Variants in C12orf42 observed in about 807,000 individuals in gnomAD.
The protein encoded by C12orf42 is chromosome 12 open reading frame 42, also known as uncharacterized protein C12orf42.
In C12orf42, 25 loss-of-function variants were observed where a neutral mutation model predicts 21.6. The ratio of observed to expected loss-of-function variants is 1.16; its 90% CI spans 0.84 to 1.62. The LOEUF (loss-of-function observed/expected upper bound fraction) is 1.62, where lower values mean the gene tolerates loss of function less well. Among genes scored for constraint, C12orf42 ranks in the 40% most tolerant of loss-of-function variants. The probability of loss-of-function intolerance (pLI) is 0.00; values close to 1 mark genes in which losing one functional copy is unlikely to be tolerated. For synonymous variants in C12orf42, 174 were observed against 175.0 expected (o/e 0.99, Z 0.05); for missense variants, 483 against 459.3 (o/e 1.05, Z -0.47).
chr12:103,304,154 C>T lies in C12orf42; in HGVS notation c.632-1595G>A, dbSNP rs183913202. On this transcript the variant is annotated intron_variant, in intron 5 of 5. Coordinates refer to ENST00000548883, the MANE Select transcript of C12orf42 (RefSeq NM_198521.5). ...GACTTCACAGATTCAAATCTTGGTA[C>T]ATGACCTGGCCTAAGTCTCTTTGAC... Among the ~76,000 whole-genome samples the T allele has an allele frequency of 2.4e-4, 37 of 152,318 alleles. No homozygotes were observed. The East Asian group carries it at 6.6e-3, about 27-fold the overall frequency.
chr12:103,502,925 G>A, the C12orf42 span, among the ~76,000 whole-genome samples: 2 of 152,190 alleles, frequency 1.3e-5, no homozygotes, highest in Non-Finnish European at 2.9e-5. Flanking sequence ...CAATATTACA[G>A]TGATGTAGGA....
chr12:103,303,482 A>C (rs1401915442), intron 5 of C12orf42, among the ~76,000 whole-genome samples: 1 of 152,188 alleles, frequency 6.6e-6, no homozygotes, highest in Non-Finnish European at 1.5e-5. Flanking sequence ...ATGTGCTTTA[A>C]ATCACTTTCT....
intron 2 of C12orf42, among the ~76,000 whole-genome samples, chr12:103,467,821 AC>A (rs1953266726): frequency 6.6e-6 from 1 of 152,130 alleles, no homozygotes; most frequent in Non-Finnish European, 1.5e-5. Context: ...TAAAAACCAA[AC>A]TTCTTTGTAT....
At chr12:103,527,483 C>T in the C12orf42 span, among the ~76,000 whole-genome samples, 1 of 152,178 alleles carries the variant, frequency 6.6e-6, no homozygotes, top group Non-Finnish European at 1.5e-5. Context: ...AGAGCTTCTA[C>T]AGAAACCAAC....
the C12orf42 span, among the ~76,000 whole-genome samples, chr12:103,525,756 G>A: frequency 4.6e-5 from 7 of 152,278 alleles, no homozygotes; most frequent in Admixed American, 1.3e-4. Flanking sequence ...CAGGCCAGGC[G>A]CGGTGGCTCA....
chr12:103,419,154 G>C (rs1036436317), intron 2 of C12orf42, among the ~76,000 whole-genome samples: 1 of 152,134 alleles, frequency 6.6e-6, no homozygotes, highest in Admixed American at 6.5e-5. Flanking sequence ...GAGAACCACA[G>C]GGAGTTCAGT....
At position 103,401,390 on chromosome 12, in the gene C12orf42, C is replaced by T. The variant is rs114576902; in HGVS notation, c.147+217G>A. Reference sequence around the variant, plus strand: ...ACGTTTTTCTAGGTGTACATATCTGCGTGCAAAGAATAAGGAGTTGGCATG... The same window carrying T: ...ACGTTTTTCTAGGTGTACATATCTGTGTGCAAAGAATAAGGAGTTGGCATG... On this transcript the variant is annotated intron_variant, in intron 3 of 5. Coordinates refer to ENST00000548883, the MANE Select transcript of C12orf42 (RefSeq NM_198521.5). 3.7e-3 allele frequency among the ~76,000 whole-genome samples: 560 copies of T among 152,218 alleles called. 5 individuals carry two copies. Among genetic ancestry groups the T allele is most frequent in the African/African-American group, 0.013 (522 of 41,516 alleles).
chr12:103,496,357 C>G (rs907515147), upstream of C12orf42, among the ~76,000 whole-genome samples: 2 of 152,148 alleles, frequency 1.3e-5, no homozygotes, highest in Non-Finnish European at 2.9e-5. Context: ...AATAATGCAG[C>G]CAACAGCAGG....
the C12orf42 span, among the ~76,000 whole-genome samples, chr12:103,544,210 G>A: frequency 1.3e-5 from 2 of 152,050 alleles, no homozygotes; most frequent in Non-Finnish European, 2.9e-5. Flanking sequence ...GAGTCTCTTG[G>A]TAGCAAATTT....
chr12:103,346,771 C>T (rs750851265), intron 4 of C12orf42, among the ~76,000 whole-genome samples: 19 of 152,244 alleles, frequency 1.2e-4, no homozygotes, highest in Admixed American at 5.9e-4. Flanking sequence ...TGCTGTTGGC[C>T]CTGTGGATTC....
intron 4 of C12orf42, among the ~76,000 whole-genome samples, chr12:103,358,051 T>A (rs966101004): frequency 3.3e-5 from 5 of 152,104 alleles, no homozygotes; most frequent in African/African-American, 1.2e-4. Context: ...TTCACTCACA[T>A]GTCTGCTGTC....
intron 3 of C12orf42, among the ~76,000 whole-genome samples, chr12:103,375,803 T>C (rs1452809650): frequency 1.3e-5 from 2 of 152,212 alleles, no homozygotes; most frequent in Non-Finnish European, 2.9e-5. Context: ...TGACTGTCTC[T>C]ATACAATTTT....
At chr12:103,242,600 A>G (rs2033803927) in intron 10 of C12orf42, among the ~76,000 whole-genome samples, 1 of 152,178 alleles carries the variant, frequency 6.6e-6, no homozygotes, top group South Asian at 2.1e-4. Flanking sequence ...CTGAGAAGTC[A>G]TTTTATCCCA....
the C12orf42 span, among the ~76,000 whole-genome samples, chr12:103,176,865 A>G: frequency 6.6e-6 from 1 of 152,224 alleles, no homozygotes; most frequent in Non-Finnish European, 1.5e-5. Context: ...TGTCCCCGTG[A>G]GTAGTTATTA....
chr12:103,526,633 T>C, the C12orf42 span, among the ~76,000 whole-genome samples: 3 of 152,178 alleles, frequency 2.0e-5, no homozygotes, highest in African/African-American at 7.2e-5. Flanking sequence ...TAACCCCCAA[T>C]GTGACTATGT....
chr12:103,164,615 C>T, the C12orf42 span: 3 of 423,822 alleles, frequency 7.1e-6, no homozygotes, highest in Admixed American at 7.8e-5. Context: ...TCAATATTTT[C>T]CATATACTTA....
chr12:103,099,269 A>G, the C12orf42 span, among the ~76,000 whole-genome samples: 1 of 152,204 alleles, frequency 6.6e-6, no homozygotes, highest in Non-Finnish European at 1.5e-5. Flanking sequence ...CTTTTTGACA[A>G]CTTTGTGATG....
chr12:103,420,727 G>A (rs1471563633), intron 2 of C12orf42, among the ~76,000 whole-genome samples: 2 of 152,030 alleles, frequency 1.3e-5, no homozygotes, highest in Non-Finnish European at 2.9e-5. Flanking sequence ...CACTATGTTG[G>A]CCAGACTGGT....
chr12:103,061,263 T>C, the C12orf42 span, among the ~76,000 whole-genome samples: 2 of 152,212 alleles, frequency 1.3e-5, no homozygotes, highest in African/African-American at 2.4e-5. Flanking sequence ...TAACTTCCCA[T>C]TGGTCTTCTT....
Sources: gnomAD v4.1 joint callset for allele counts (sites outside exome capture counted in the v4.1 genomes callset) on GRCh38, gnomAD v4.1.1 for gene constraint, MANE v1.5 for transcripts, NCBI Gene and HGNC (gene_info 2026-07-23, HGNC 2026-07-21) for gene names.